CUX1: variants seen among roughly 807,000 people sequenced by gnomAD.
CUX1 encodes cut like homeobox 1, also known as protein CASP.
CUX1 carries 31 observed loss-of-function variants against 158.8 expected under a neutral mutation model. The observed-to-expected ratio is 0.20, with a 90% confidence interval of 0.15 to 0.26. The LOEUF (loss-of-function observed/expected upper bound fraction) is 0.26. Ranked by LOEUF, CUX1 falls within the 10% of genes least tolerant of loss-of-function variation. CUX1 has a pLI of 1.00. For synonymous variants in CUX1, 879 were observed against 862.1 expected, an observed-to-expected ratio of 1.02 and a Z score of -0.34; for missense variants, 1,589 against 2,014.6, an observed-to-expected ratio of 0.79 and a Z score of 4.04.
In CUX1 at chr7:102,059,635, A is replaced by G. The variant is rs1306574220; in HGVS notation, c.190-10704A>G. Among the ~76,000 whole-genome samples the G allele has an allele frequency of 5.2e-4, 52 of 100,160 alleles. No individual in the cohort carries two copies. The South Asian group carries it at 0.017, about 33-fold the overall frequency. 65.7% of individuals were successfully genotyped at this position (100,160 alleles called of 152,430 possible). On this transcript the variant is annotated intron_variant, in intron 3 of 23. Transcript: ENST00000292535. ...TGACAGAGTGAGACTTCATCTCAAA[A>G]AAAAAAAAAAAAAAAAATTTAAAAC...
chr7:101,890,904 T>C (rs148684968), intron 1 of CUX1, among the ~76,000 whole-genome samples: 2 of 152,274 alleles, frequency 1.3e-5, no homozygotes, highest in East Asian at 3.9e-4. Flanking sequence ...TTTAGGCTGT[T>C]GTTTGGTGCT....
intron 14 of CUX1, among the ~76,000 whole-genome samples, chr7:102,264,538 G>A (rs1554544704): frequency 6.6e-6 from 1 of 152,150 alleles, no homozygotes; most frequent in East Asian, 1.9e-4. Flanking sequence ...TATTGCTGAG[G>A]CTTTGTTTTT....
Position 102,251,539 on chromosome 7 carries a change from G to T in CUX1, c.*2497G>T, listed in dbSNP as rs948752215. ...GGCTGTTCGTTTGTCTTTTGTTGGG[G>T]GTATCATTTCTGAACTTGAAATCCA... On this transcript the variant is annotated 3_prime_UTR_variant, in exon 24 of 24. Transcript: ENST00000292535. The T allele has an allele frequency of 1.0e-6, 1 of 985,288 alleles. No individual in the cohort carries two copies. The highest frequency in any genetic ancestry group is 1.2e-6 in the Non-Finnish European group (1 of 829,914). The allele number at this position is 985,288 out of a possible 1,614,324, so 61.0% of individuals were successfully genotyped here. A position where few individuals can be genotyped will look rare whatever the true frequency, so the allele number is the denominator to read the frequency against.
intron 1 of CUX1, among the ~76,000 whole-genome samples, chr7:101,906,056 G>A (rs771138794): frequency 6.6e-6 from 1 of 151,646 alleles, no homozygotes; most frequent in African/African-American, 2.4e-5. Context: ...AAAGTACTGG[G>A]CTCAAGTGAT....
intron 2 of CUX1, among the ~76,000 whole-genome samples, chr7:102,011,298 G>A (rs937779939): frequency 1.3e-5 from 2 of 151,916 alleles, no homozygotes; most frequent in East Asian, 1.9e-4. Flanking sequence ...CGGAGGACAC[G>A]TTTGGATTTT....
chr7:101,952,246 C>T (rs926141118), intron 2 of CUX1, among the ~76,000 whole-genome samples: 2 of 152,074 alleles, frequency 1.3e-5, no homozygotes, highest in Non-Finnish European at 2.9e-5. Flanking sequence ...ATTAGCTAGG[C>T]GTGGTAGCAT....
chr7:102,058,441 AT>A (rs35906137), intron 3 of CUX1, among the ~76,000 whole-genome samples: 187 of 146,522 alleles, frequency 1.3e-3, no homozygotes, highest in Middle Eastern at 3.5e-3. Flanking sequence ...CACCTGGCTA[AT>A]TTTTTTTTTT....
intron 16 of CUX1, chr7:102,275,106 C>A (rs1324041910): frequency 4.0e-5 from 25 of 629,190 alleles, no homozygotes; most frequent in Non-Finnish European, 6.9e-5. Flanking sequence ...ACCTGCCCAG[C>A]ACCAGGGAGT....
chr7:102,073,233 A>G (rs1215345690), intron 4 of CUX1, among the ~76,000 whole-genome samples: 1 of 121,940 alleles, frequency 8.2e-6, no homozygotes, highest in African/African-American at 3.1e-5. Context: ...GAGTGCAGTG[A>G]CGTGATCTTG....
chr7:101,920,128 T>G (rs1187592978), intron 2 of CUX1, among the ~76,000 whole-genome samples: 3 of 22,466 alleles, frequency 1.3e-4, no homozygotes, highest in African/African-American at 1.1e-3. Flanking sequence ...TTTTATGTGT[T>G]TTTTTTTTTT....
chr7:101,857,002 C>T (rs916460037), intron 1 of CUX1, among the ~76,000 whole-genome samples: 11 of 152,224 alleles, frequency 7.2e-5, no homozygotes, highest in African/African-American at 2.4e-4. Context: ...ATCCTTCAGC[C>T]TCTGAAGTCC....
intron 8 of CUX1, among the ~76,000 whole-genome samples, chr7:102,134,382 A>G (rs1214635863): frequency 6.6e-6 from 1 of 152,138 alleles, no homozygotes; most frequent in African/African-American, 2.4e-5. Context: ...CTTCAAAATA[A>G]TTGTTTTCCT....
At chr7:101,993,441 T>C (rs1263728048) in intron 2 of CUX1, among the ~76,000 whole-genome samples, 1 of 152,088 alleles carries the variant, frequency 6.6e-6, no homozygotes, top group African/African-American at 2.4e-5. Context: ...CTGCAGCTGC[T>C]CTGATGGGGG....
chr7:101,934,008 T>C (rs1315012732), intron 2 of CUX1, among the ~76,000 whole-genome samples: 2 of 152,244 alleles, frequency 1.3e-5, no homozygotes, highest in Non-Finnish European at 2.9e-5. Flanking sequence ...TTTGATCATT[T>C]TCTCTTCCCC....
At chr7:101,985,782 TA>T (rs1814225702) in intron 2 of CUX1, among the ~76,000 whole-genome samples, 1 of 152,160 alleles carries the variant, frequency 6.6e-6, no homozygotes, top group Non-Finnish European at 1.5e-5. Flanking sequence ...GTCTGCCAGG[TA>T]ATGGTGTAAC....
At chr7:101,859,358 A>G (rs552745518) in intron 1 of CUX1, among the ~76,000 whole-genome samples, 3 of 152,238 alleles carry the variant, frequency 2.0e-5, no homozygotes, top group Non-Finnish European at 2.9e-5. Flanking sequence ...TCCGGGGCTG[A>G]ACCTGCGTGA....
At chr7:102,148,454 A>T (rs1835247703) in intron 8 of CUX1, among the ~76,000 whole-genome samples, 2 of 152,044 alleles carry the variant, frequency 1.3e-5, no homozygotes, top group South Asian at 4.1e-4. Flanking sequence ...CATTCTCAAG[A>T]ATCACTTGAA....
chr7:102,090,184 C>G (rs545850701), intron 4 of CUX1, among the ~76,000 whole-genome samples: 4 of 152,224 alleles, frequency 2.6e-5, no homozygotes, highest in South Asian at 4.1e-4. Context: ...TATTGGCTAT[C>G]TTTACAAAAA....
At chr7:102,001,176 C>A (rs1354589201) in intron 2 of CUX1, among the ~76,000 whole-genome samples, 3 of 152,148 alleles carry the variant, frequency 2.0e-5, no homozygotes, top group Non-Finnish European at 4.4e-5. Flanking sequence ...AATAACCAAG[C>A]CCACCTGCCT....
Sources: allele counts gnomAD v4.1 joint callset (sites outside exome capture counted in the v4.1 genomes callset), GRCh38; gene constraint gnomAD v4.1.1; transcripts MANE v1.5; gene names NCBI Gene and HGNC (gene_info 2026-07-23, HGNC 2026-07-21).